Variants in ANKLE2 observed in about 807,000 individuals in gnomAD.
ANKLE2 encodes ankyrin repeat and LEM domain-containing protein 2.
A neutral mutation model predicts 84.2 loss-of-function variants in ANKLE2; 55 were observed. The observed-to-expected ratio is 0.65, with a 90% CI of 0.53 to 0.82. The LOEUF is 0.82. Among genes scored for constraint, ANKLE2 ranks in the 40% least tolerant of loss-of-function variants. The pLI is 0.00. For missense variants in ANKLE2, 1,238 were observed against 1,201.9 expected, an observed-to-expected ratio of 1.03 and a Z score of -0.44; for synonymous variants, 551 against 486.1, an observed-to-expected ratio of 1.13 and a Z score of -1.76.
intron 2 of ANKLE2, among the ~76,000 whole-genome samples, chr12:132,751,585 G>A (rs897163763): frequency 1.3e-5 from 2 of 149,396 alleles, no homozygotes; most frequent in African/African-American, 2.5e-5. Flanking sequence ...CTCAGCTGCC[G>A]AGGCTGGAGT....
intron 5 of ANKLE2, 122 bp downstream of exon 5, chr12:132,747,710 A>G: frequency 7.9e-7 from 1 of 1,265,294 alleles, no homozygotes; most frequent in Non-Finnish European, 1.1e-6. Context: ...CAGGGGTGTA[A>G]TTGATGTATC....
At position 132,742,948 on chromosome 12, in the gene ANKLE2, C is replaced by G. The variant is rs73157022; in HGVS notation, c.1353+206G>C. On this transcript the variant is annotated intron_variant, in intron 6 of 12. Coordinates refer to ENST00000357997, the MANE Select transcript of ANKLE2 (RefSeq NM_015114.3). ...GGAAAATAAAATCAGCAAACTGCGT[C>G]AGTTCCTTCCCTCCTGGTTCTACAG... is the stretch of plus-strand genomic sequence containing the variant. Among the ~76,000 whole-genome samples, 8,715 of 152,090 alleles carry G rather than the reference C, an allele frequency of 0.057. 794 individuals carry two copies. Among genetic ancestry groups the G allele is most frequent in the African/African-American group, 0.2 (8,216 of 41,428 alleles).
chr12:132,732,933 G>A (rs1338211244), intron 10 of ANKLE2, among the ~76,000 whole-genome samples: 1 of 142,562 alleles, frequency 7.0e-6, no homozygotes, highest in African/African-American at 2.8e-5. Context: ...TGTCTGATAT[G>A]CACCGTGTGA....
intron 2 of ANKLE2, 28 bp downstream of exon 2, chr12:132,754,647 G>C: frequency 6.4e-7 from 1 of 1,567,818 alleles, no homozygotes; most frequent in East Asian, 2.3e-5. Flanking sequence ...CTATCTGTGT[G>C]AGGAAATCCT....
chr12:132,752,785 A>G (rs1029073439), intron 2 of ANKLE2, among the ~76,000 whole-genome samples: 11 of 152,224 alleles, frequency 7.2e-5, no homozygotes, highest in Middle Eastern at 3.2e-3. Context: ...AACAATACTC[A>G]TAACAGTGTG....
At chr12:132,738,963 C>T (rs1054340441) in intron 7 of ANKLE2, 21 of 152,194 alleles carry the variant, frequency 1.4e-4, no homozygotes, top group African/African-American at 2.4e-4. Context: ...TCTGAAGTAA[C>T]ATGGCTGGAG....
Position 132,735,435 on chromosome 12 carries a change from G to A in ANKLE2, c.1671C>T (p.Asp557=), listed in dbSNP as rs780122887. 6.2e-7 allele frequency: 1 copy of A among 1,614,050 alleles called. No individual in the cohort carries two copies. The highest frequency in any genetic ancestry group is 8.5e-7 in the Non-Finnish European group (1 of 1,180,008). Residue 557 remains aspartate, a synonymous_variant, in exon 9 of 13, where the codon GAC becomes GAT. Transcript: ENST00000357997. ...AGFLHHVKKS[D]PERGFERVGR... is the part of the protein sequence containing the mutation. ...CCACTCTCTCAAAGCCTCTTTCCGGGTCCGACTTCTTGACGTGGTGAAGGA... is the reference window on the plus strand; with the variant it reads ...CCACTCTCTCAAAGCCTCTTTCCGGATCCGACTTCTTGACGTGGTGAAGGA...
At chr12:132,748,436 G>C in intron 3 of ANKLE2, 105 bp from the exon 4 acceptor site, 1 of 1,293,556 alleles carries the variant, frequency 7.7e-7, no homozygotes, top group South Asian at 1.4e-5. Context: ...AGAGGCTTCT[G>C]GGCCAACTGG....
chr12:132,745,519 C>T (rs2044218436), intron 5 of ANKLE2: 2 of 152,878 alleles, frequency 1.3e-5, no homozygotes, highest in Admixed American at 1.3e-4. Flanking sequence ...GGAAATGCTC[C>T]CACAGCAAGA....
intron 5 of ANKLE2, among the ~76,000 whole-genome samples, chr12:132,746,298 G>A (rs551271828): frequency 6.2e-5 from 9 of 144,988 alleles, no homozygotes; most frequent in African/African-American, 2.3e-4. Context: ...GCAGTGAGCC[G>A]AGATTGTGCC....
chr12:132,755,321 A>C (rs1668108473), intron 1 of ANKLE2, 188 bp from the exon 2 acceptor site: 4 of 552,092 alleles, frequency 7.2e-6, no homozygotes, highest in African/African-American at 3.8e-5. Flanking sequence ...AGGCGGGCGG[A>C]TCATCTGAGG....
intron 2 of ANKLE2, among the ~76,000 whole-genome samples, chr12:132,753,916 G>A (rs948404183): frequency 6.6e-6 from 1 of 152,126 alleles, no homozygotes; most frequent in African/African-American, 2.4e-5. Flanking sequence ...AGGTGGCAGA[G>A]TAACACCCTG....
intron 2 of ANKLE2, among the ~76,000 whole-genome samples, chr12:132,753,827 C>A (rs974931883): frequency 6.6e-6 from 1 of 151,834 alleles, no homozygotes; most frequent in South Asian, 2.1e-4. Flanking sequence ...GCTACTCAAG[C>A]GGCTGAGGTG....
intron 10 of ANKLE2, among the ~76,000 whole-genome samples, chr12:132,733,240 G>A (rs111442071): frequency 1.4e-3 from 175 of 124,158 alleles, no homozygotes; most frequent in African/African-American, 4.5e-3. Context: ...GATATGCACC[G>A]TGTGAAGCAC....
chr12:132,746,226 G>A (rs2044235337), intron 5 of ANKLE2, among the ~76,000 whole-genome samples: 1 of 152,032 alleles, frequency 6.6e-6, no homozygotes, highest in Admixed American at 6.6e-5. Flanking sequence ...GCGGGTGCCT[G>A]TAGTCCCAGC....
chr12:132,750,603 G>A, intron 3 of ANKLE2, 40 bp downstream of exon 3: 2 of 1,605,938 alleles, frequency 1.2e-6, no homozygotes, highest in African/African-American at 1.3e-5. Context: ...TGGGATCAAT[G>A]TGACAGGAAC....
intron 3 of ANKLE2, chr12:132,748,767 G>A (rs548205805): frequency 1.9e-3 from 369 of 198,744 alleles, no homozygotes; most frequent in African/African-American, 8.1e-3. Context: ...CACGAATATA[G>A]CTCACTGCAG....
At chr12:132,749,642 C>G (rs547694194) in intron 3 of ANKLE2, among the ~76,000 whole-genome samples, 5 of 152,188 alleles carry the variant, frequency 3.3e-5, no homozygotes, top group African/African-American at 1.2e-4. Flanking sequence ...CCAGGGAAGC[C>G]CAGACAACTG....
chr12:132,750,593 T>C, intron 3 of ANKLE2, 50 bp downstream of exon 3: 1 of 1,595,296 alleles, frequency 6.3e-7, no homozygotes, highest in Non-Finnish European at 8.6e-7. Context: ...CAAAACAGGG[T>C]GGGATCAATG....
Sources: allele counts gnomAD v4.1 joint callset (sites outside exome capture counted in the v4.1 genomes callset), GRCh38; gene constraint gnomAD v4.1.1; transcripts MANE v1.5; gene names NCBI Gene and HGNC (gene_info 2026-07-23, HGNC 2026-07-21).